TRPM6: variants seen among roughly 807,000 people sequenced by gnomAD.
TRPM6 encodes transient receptor potential cation channel subfamily M member 6.
TRPM6 carries 111 observed loss-of-function variants against 247.6 expected under a neutral mutation model. That is an observed-to-expected ratio of 0.45 (90% CI 0.38 to 0.52). The LOEUF (loss-of-function observed/expected upper bound fraction) is 0.52. TRPM6 is among the 20% of genes least tolerant of loss of function. The pLI is 0.00. For synonymous variants in TRPM6, 892 were observed against 853.8 expected (o/e 1.04, Z -0.78); for missense variants, 2,126 against 2,421.5 (o/e 0.88, Z 2.56).
At position 74,723,829 on chromosome 9, in the gene TRPM6, AT is replaced by A. The variant is rs1164227057; in HGVS notation, c.*783del. On this transcript the variant is annotated 3_prime_UTR_variant, in exon 39 of 39. Coordinates refer to ENST00000360774, the MANE Select transcript of TRPM6 (RefSeq NM_017662.5). ...AAAAATATATATATATATATATAAA[AT>A]ATATATATTCCATATGTATTTTATA... 1.4e-5 allele frequency: 2 copies of A among 146,540 alleles called. No homozygotes were observed. The highest frequency in any genetic ancestry group is 2.5e-5 in the African/African-American group (1 of 40,338). The allele number at this position is 146,540 out of a possible 1,614,324, so 9.1% of individuals were successfully genotyped here.
intron 3 of TRPM6, among the ~76,000 whole-genome samples, chr9:74,850,676 C>T (rs1198518198): frequency 1.3e-5 from 2 of 151,902 alleles, no homozygotes; most frequent in African/African-American, 4.8e-5. Flanking sequence ...GCCGAGATCA[C>T]ACCATTGCAC....
chr9:74,727,898 C>A (rs76637271), intron 38 of TRPM6, among the ~76,000 whole-genome samples: 1 of 152,066 alleles, frequency 6.6e-6, no homozygotes, highest in East Asian at 1.9e-4. Context: ...CTGTGGCCAT[C>A]CGCAGCTGGC....
At chr9:74,736,893 T>A (rs1825714496) in intron 36 of TRPM6, among the ~76,000 whole-genome samples, 1 of 152,222 alleles carries the variant, frequency 6.6e-6, no homozygotes, top group South Asian at 2.1e-4. Flanking sequence ...CAAAAACCTA[T>A]TCAAGTGGAA....
chr9:74,833,742 T>C (rs574819715), intron 6 of TRPM6, among the ~76,000 whole-genome samples: 1 of 152,318 alleles, frequency 6.6e-6, no homozygotes, highest in African/African-American at 2.4e-5. Flanking sequence ...ATTTTTAAAG[T>C]GGAACTGATA....
Position 74,801,972 on chromosome 9 carries a change from G to A in TRPM6, c.1935C>T (p.Tyr645=). Residue 645 remains tyrosine (Y), a synonymous_variant, in exon 16 of 39, where the codon TAC becomes TAT. Coordinates refer to ENST00000360774, the MANE Select transcript of TRPM6 (RefSeq NM_017662.5). ...TVKAVIACIL[Y]RAMAHEAKES... ...CCTTAGCTTCATGGGCCATTGCCCG[G>A]TAGAGGATACACGCAATCACGGCTT... 1 of 1,614,222 alleles carries A rather than the reference G, an allele frequency of 6.2e-7. No homozygotes were observed. Among genetic ancestry groups the A allele is most frequent in the Non-Finnish European group, 8.5e-7 (1 of 1,180,048 alleles).
chr9:74,768,835 C>T (rs1826914654), intron 25 of TRPM6, among the ~76,000 whole-genome samples: 1 of 152,184 alleles, frequency 6.6e-6, no homozygotes, highest in Admixed American at 6.5e-5. Context: ...TATCTTTGTC[C>T]ACCTAAAATC....
intron 23 of TRPM6, among the ~76,000 whole-genome samples, chr9:74,778,763 G>A (rs1827314808): frequency 6.6e-6 from 1 of 152,146 alleles, no homozygotes; most frequent in Non-Finnish European, 1.5e-5. Context: ...CAGTTCTTTG[G>A]ACTCCAAGAT....
intron 25 of TRPM6, among the ~76,000 whole-genome samples, chr9:74,768,257 T>C (rs1826895860): frequency 1.3e-5 from 2 of 152,232 alleles, no homozygotes; most frequent in Admixed American, 1.3e-4. Context: ...ATTACAGGTG[T>C]TGGCACCTCC....
At chr9:74,827,096 A>C (rs1407724298) in intron 7 of TRPM6, 1 of 152,406 alleles carries the variant, frequency 6.6e-6, no homozygotes, top group Non-Finnish European at 1.5e-5. Context: ...GCCTAGGGCC[A>C]CCCCACCAAC....
chr9:74,862,122 C>G (rs1314095812), intron 1 of TRPM6, among the ~76,000 whole-genome samples: 2 of 136,224 alleles, frequency 1.5e-5, no homozygotes, highest in East Asian at 4.2e-4. Flanking sequence ...AAAAAAGCAG[C>G]CTTTAGCTTG....
chr9:74,849,420 G>T (rs1012042555), intron 3 of TRPM6, among the ~76,000 whole-genome samples: 1 of 150,322 alleles, frequency 6.7e-6, no homozygotes, highest in East Asian at 2.0e-4. Flanking sequence ...TGATAGAAAT[G>T]ATGTCCTTAG....
intron 7 of TRPM6, among the ~76,000 whole-genome samples, chr9:74,827,416 C>A (rs1829374912): frequency 6.6e-6 from 1 of 152,142 alleles, no homozygotes; most frequent in Non-Finnish European, 1.5e-5. Flanking sequence ...CAGGGGCCAA[C>A]TTCGGCCTCT....
At chr9:74,834,246 G>T in intron 5 of TRPM6, 124 bp from the exon 6 acceptor site, 1 of 1,169,156 alleles carries the variant, frequency 8.6e-7, no homozygotes, top group Non-Finnish European at 1.3e-6. Context: ...AGAGTTGCTG[G>T]TACAGTGGAA....
intron 1 of TRPM6, among the ~76,000 whole-genome samples, chr9:74,863,889 T>C (rs1830765749): frequency 2.6e-5 from 1 of 38,954 alleles, no homozygotes; most frequent in African/African-American, 5.9e-5. Context: ...CCCGGCAACC[T>C]TTTTTTTTTT....
chr9:74,803,723 T>C (rs1449526076), intron 15 of TRPM6, 71 bp downstream of exon 15: 27 of 1,079,036 alleles, frequency 2.5e-5, no homozygotes, highest in Non-Finnish European at 3.8e-5. Context: ...CTTTCTTTGA[T>C]GTAAATGAAG....
intron 14 of TRPM6, among the ~76,000 whole-genome samples, chr9:74,805,586 G>A (rs1587526354): frequency 6.6e-6 from 1 of 152,236 alleles, no homozygotes; most frequent in East Asian, 1.9e-4. Flanking sequence ...ATCTGTGAAT[G>A]TGAATTTTTC....
intron 2 of TRPM6, among the ~76,000 whole-genome samples, chr9:74,858,340 T>C (rs923039323): frequency 1.4e-4 from 21 of 152,208 alleles, no homozygotes; most frequent in Non-Finnish European, 2.6e-4. Flanking sequence ...TGAGCTGAGA[T>C]TGCGCCACTG....
chr9:74,882,608 T>G (rs1247741190), intron 1 of TRPM6, among the ~76,000 whole-genome samples: 1 of 152,066 alleles, frequency 6.6e-6, no homozygotes, highest in Non-Finnish European at 1.5e-5. Context: ...AGACAAAAAT[T>G]AACAAATACT....
At chr9:74,760,693 T>G (rs548363032) in intron 27 of TRPM6, among the ~76,000 whole-genome samples, 1 of 152,212 alleles carries the variant, frequency 6.6e-6, no homozygotes, top group Non-Finnish European at 1.5e-5. Context: ...TATACTGAAT[T>G]GGCGAGTGCT....
Sources: gnomAD v4.1 joint callset for allele counts (sites outside exome capture counted in the v4.1 genomes callset) on GRCh38, gnomAD v4.1.1 for gene constraint, MANE v1.5 for transcripts, NCBI Gene and HGNC (gene_info 2026-07-23, HGNC 2026-07-21) for gene names.